The following SRGAP3 variants were observed in gnomAD, a reference collection of about 807,000 sequenced individuals.
SRGAP3 encodes the protein SLIT-ROBO Rho GTPase activating protein 3.
In SRGAP3, 39 loss-of-function variants were observed where a neutral mutation model predicts 121.1. The ratio of observed to expected loss-of-function variants is 0.32; its 90% CI spans 0.25 to 0.42. The LOEUF is 0.42. Ranked by LOEUF, SRGAP3 falls within the 10% of genes least tolerant of loss-of-function variation. The pLI is 1.00. For synonymous variants in SRGAP3, 601 were observed against 570.0 expected (o/e 1.05, Z -0.77); for missense variants, 1,213 against 1,470.6 (o/e 0.82, Z 2.86).
rs368342844 is a variant in SRGAP3, at chr3:8,982,142, G to A, written c.*3377C>T. On this transcript the variant is annotated 3_prime_UTR_variant, in exon 22 of 22. Coordinates refer to ENST00000383836, the MANE Select transcript of SRGAP3 (RefSeq NM_014850.4). The stretch of plus-strand genomic sequence containing the variant: ...CACAAGGCCCAGGAAACTAGACCAG[G>A]AATTAATTGTCTTTGGTCAGTTTTA... 4.4e-6 allele frequency: 1 copy of A among 226,264 alleles called. No homozygotes were observed. The highest frequency in any genetic ancestry group is 2.2e-5 in the African/African-American group (1 of 45,066). The allele number at this position is 226,264 out of a possible 1,614,324, so 14.0% of individuals were successfully genotyped here.
At chr3:9,060,474 G>A in intron 5 of SRGAP3, 115 bp from the exon 6 acceptor site, 2 of 1,355,372 alleles carry the variant, frequency 1.5e-6, no homozygotes, top group Non-Finnish European at 1.0e-6. Flanking sequence ...TCACCCAGGT[G>A]AGAGTGCAGT....
chr3:9,040,813 C>T (rs562149120), intron 10 of SRGAP3, among the ~76,000 whole-genome samples: 4 of 152,218 alleles, frequency 2.6e-5, no homozygotes, highest in African/African-American at 9.6e-5. Flanking sequence ...CTTTATATCA[C>T]GTTTCTCTAT....
Position 8,992,773 on chromosome 3 carries a change from G to A in SRGAP3, c.2558+133C>T, listed in dbSNP as rs1942136249. ...GCCAATGCCAGCCAGCCCGCCCAGT[G>A]TGCCCATTTCATTTTGTGGGGAACA... On this transcript the variant is annotated intron_variant, in intron 20 of 21. Coordinates refer to ENST00000383836, the MANE Select transcript of SRGAP3 (RefSeq NM_014850.4). The A allele has an allele frequency of 1.0e-5, 16 of 1,528,588 alleles. No homozygotes were observed. In the South Asian group the frequency reaches 1.7e-4, roughly 16 times the overall value. 94.7% of individuals were successfully genotyped at this position (1,528,588 alleles called of 1,614,324 possible). A position where few individuals can be genotyped will look rare whatever the true frequency, so the allele number is the denominator to read the frequency against.
intron 1 of SRGAP3, among the ~76,000 whole-genome samples, chr3:9,136,332 G>GGCAGCAGATGCCCGGC (rs1449306971): frequency 6.6e-6 from 1 of 151,870 alleles, no homozygotes; most frequent in African/African-American, 2.4e-5. Context: ...CGGGGCTGGA[G>GGCAGCAGATGCCCGGC]GCAGCAGATG....
At chr3:9,035,491 A>G (rs567633741) in intron 11 of SRGAP3, 114 of 180,550 alleles carry the variant, frequency 6.3e-4, no homozygotes, top group African/African-American at 2.2e-3. Context: ...TATCAAATCT[A>G]TATCGACTTA....
intron 3 of SRGAP3, among the ~76,000 whole-genome samples, chr3:9,299,359 C>CAAAAAAAAAAA (rs35608018): frequency 1.1e-5 from 1 of 91,254 alleles, no homozygotes; most frequent in African/African-American, 4.5e-5. Flanking sequence ...GACTCCGTCC[C>CAAAAAAAAAAA]AAAAAAAAAA....
At chr3:9,198,399 A>C (rs1310124003) in intron 1 of SRGAP3, among the ~76,000 whole-genome samples, 2 of 152,224 alleles carry the variant, frequency 1.3e-5, no homozygotes, top group African/African-American at 4.8e-5. Context: ...GATGAGGAAG[A>C]CTGGGGTAAT....
chr3:9,354,980 T>G (rs2030416487), intron 1 of SRGAP3, among the ~76,000 whole-genome samples: 1 of 152,228 alleles, frequency 6.6e-6, no homozygotes. Flanking sequence ...TCTGGTTCTT[T>G]CTGATATAAA....
intron 19 of SRGAP3, chr3:8,994,010 A>T: frequency 7.8e-6 from 3 of 382,448 alleles, no homozygotes; most frequent in Admixed American, 3.8e-5. Context: ...TAGGCAGGGG[A>T]GGCCTAGGAG....
intron 14 of SRGAP3, among the ~76,000 whole-genome samples, chr3:9,021,323 CAA>C (rs1200078837): frequency 6.6e-6 from 1 of 152,206 alleles, no homozygotes; most frequent in Non-Finnish European, 1.5e-5. Context: ...TCTGTGCATA[CAA>C]AGAGGGCACC....
intron 1 of SRGAP3, among the ~76,000 whole-genome samples, chr3:9,359,648 A>G (rs1282328915): frequency 1.3e-5 from 2 of 152,194 alleles, no homozygotes; most frequent in Non-Finnish European, 1.5e-5. Context: ...GACCACAATC[A>G]GATTAGAGTC....
At chr3:9,220,710 T>TA (rs1194144372) in intron 1 of SRGAP3, among the ~76,000 whole-genome samples, 1 of 152,168 alleles carries the variant, frequency 6.6e-6, no homozygotes, top group African/African-American at 2.4e-5. Context: ...TCAAGGCATT[T>TA]AAGGCATCTG....
chr3:9,249,933 T>G (rs960150972), upstream of SRGAP3, among the ~76,000 whole-genome samples: 1 of 152,210 alleles, frequency 6.6e-6, no homozygotes, highest in South Asian at 2.1e-4. Flanking sequence ...TTAATTCAGT[T>G]TCTGGAATCA....
intron 17 of SRGAP3, among the ~76,000 whole-genome samples, chr3:9,012,503 A>G (rs1943425956): frequency 6.6e-6 from 1 of 152,198 alleles, no homozygotes; most frequent in Non-Finnish European, 1.5e-5. Context: ...AAAAGGTTCT[A>G]AAATCTTTCT....
rs538625423 is a variant in SRGAP3 at position 9,166,894 on chromosome 3, C to T, written c.68-41977G>A. 4.6e-5 allele frequency among the ~76,000 whole-genome samples: 7 copies of T among 152,256 alleles called. No homozygotes were observed. In the South Asian group the frequency reaches 1.5e-3, roughly 32 times the overall value. ...TCTTCCATTCCATCCCTTCTTAGAA[C>T]TTACTCATATGGCCCCACCCTGACC... On this transcript the variant is annotated intron_variant, in intron 1 of 21. Coordinates refer to ENST00000383836, the MANE Select transcript of SRGAP3 (RefSeq NM_014850.4).
At chr3:9,270,784 T>A (rs1469744578) in intron 3 of SRGAP3, among the ~76,000 whole-genome samples, 2 of 152,224 alleles carry the variant, frequency 1.3e-5, no homozygotes. Flanking sequence ...TTTCCATTTT[T>A]ACTGTTATTA....
intron 18 of SRGAP3, among the ~76,000 whole-genome samples, chr3:9,008,895 C>T (rs1943219101): frequency 6.6e-6 from 1 of 152,262 alleles, no homozygotes; most frequent in African/African-American, 2.4e-5. Flanking sequence ...AGAAAGGAAG[C>T]CCTTTTCCAC....
At chr3:9,108,113 G>C (rs1436207171) in intron 2 of SRGAP3, among the ~76,000 whole-genome samples, 13 of 152,094 alleles carry the variant, frequency 8.5e-5, no homozygotes, top group African/African-American at 2.9e-4. Context: ...CCAATGTTGG[G>C]GGAGACTGCC....
chr3:9,057,290 C>A (rs1945870548), intron 7 of SRGAP3, among the ~76,000 whole-genome samples: 1 of 152,164 alleles, frequency 6.6e-6, no homozygotes. Context: ...GCACCTCACC[C>A]CTTCCAGGAA....
Sources: gnomAD v4.1 joint callset for allele counts (sites outside exome capture counted in the v4.1 genomes callset) on GRCh38, gnomAD v4.1.1 for gene constraint, MANE v1.5 for transcripts, NCBI Gene and HGNC (gene_info 2026-07-23, HGNC 2026-07-21) for gene names.